HMGA2: variants seen among roughly 807,000 people sequenced by gnomAD.
HMGA2 encodes high mobility group AT-hook 2.
Under a neutral mutation model 19.1 loss-of-function variants are expected in HMGA2, and 8 were observed. The ratio of observed to expected loss-of-function variants is 0.42; its 90% confidence interval spans 0.25 to 0.76. The LOEUF (loss-of-function observed/expected upper bound fraction) is 0.76. Ranked by LOEUF, HMGA2 falls within the 30% of genes least tolerant of loss-of-function variation. HMGA2 has a pLI of 0.28. For synonymous variants in HMGA2, 60 were observed against 48.8 expected, an observed-to-expected ratio of 1.23 and a Z score of -0.96; for missense variants, 109 against 136.3, an observed-to-expected ratio of 0.80 and a Z score of 1.00.
intron 3 of HMGA2, among the ~76,000 whole-genome samples, chr12:65,928,584 T>G (rs1048637880): frequency 6.6e-6 from 1 of 152,234 alleles, no homozygotes; most frequent in Non-Finnish European, 1.5e-5. Context: ...TAATAAAACT[T>G]CACTTAAAAC....
At chr12:65,949,321 G>A (rs2121308571) in intron 3 of HMGA2, among the ~76,000 whole-genome samples, 1 of 151,570 alleles carries the variant, frequency 6.6e-6, no homozygotes, top group East Asian at 1.9e-4. Context: ...AATTTTTAAT[G>A]TACCAGCAAT....
chr12:65,834,563 C>T (rs1459535973), intron 2 of HMGA2, among the ~76,000 whole-genome samples: 2 of 144,328 alleles, frequency 1.4e-5, no homozygotes, highest in Admixed American at 1.4e-4. Context: ...TCCTTCTTTC[C>T]TTCCCTCCCT....
intron 3 of HMGA2, among the ~76,000 whole-genome samples, chr12:65,906,722 A>G (rs1874606751): frequency 6.6e-6 from 1 of 152,188 alleles, no homozygotes; most frequent in Non-Finnish European, 1.5e-5. Context: ...ATTAGAGAAG[A>G]AGATCATAAA....
At chr12:65,945,148 G>A (rs1024605568) in intron 3 of HMGA2, among the ~76,000 whole-genome samples, 10 of 151,636 alleles carry the variant, frequency 6.6e-5, no homozygotes, top group African/African-American at 2.4e-4. Flanking sequence ...ACGTGAATGA[G>A]TCTCAGAAAT....
chr12:65,849,736 A>ATTTTTTTTTTTTTT lies in HMGA2; in HGVS notation c.249+11178_249+11191dup, dbSNP rs34541445. ...AAACCAAGACAATGGTAGGCTCTGT[A>ATTTTTTTTTTTTTT]TTTTTTTTTTTTTTTTTTTTTTTTG... is the stretch of plus-strand genomic sequence containing the variant. On this transcript the variant is annotated intron_variant, in intron 3 of 4. Coordinates refer to ENST00000403681, the MANE Select transcript of HMGA2 (RefSeq NM_003483.6). 1.6e-3 allele frequency among the ~76,000 whole-genome samples: 136 copies of ATTTTTTTTTTTTTT among 85,120 alleles called. 9 individuals carry two copies. The highest frequency in any genetic ancestry group is 2.1e-3 in the Non-Finnish European group (97 of 46,506). The allele number at this position is 85,120 out of a possible 152,430, so 55.8% of individuals were successfully genotyped here.
At chr12:65,889,068 C>T (rs1298691830) in intron 3 of HMGA2, among the ~76,000 whole-genome samples, 3 of 152,154 alleles carry the variant, frequency 2.0e-5, no homozygotes, top group Non-Finnish European at 2.9e-5. Context: ...TCACCCTACT[C>T]TTACCCACAA....
chr12:65,920,664 C>A (rs553668023), intron 3 of HMGA2, among the ~76,000 whole-genome samples: 1 of 152,286 alleles, frequency 6.6e-6, no homozygotes, highest in South Asian at 2.1e-4. Context: ...TTTGCTTCTT[C>A]CTCATTTTCT....
At chr12:65,909,159 A>T (rs144007198) in intron 3 of HMGA2, among the ~76,000 whole-genome samples, 4 of 152,364 alleles carry the variant, frequency 2.6e-5, no homozygotes, top group Non-Finnish European at 4.4e-5. Context: ...CAGAAAGTAC[A>T]TCTAAATCTC....
chr12:65,948,804 A>G (rs1363563501), intron 3 of HMGA2, among the ~76,000 whole-genome samples: 4 of 152,194 alleles, frequency 2.6e-5, no homozygotes, highest in African/African-American at 9.7e-5. Flanking sequence ...CCCTCATTGA[A>G]GTGTCAGGAC....
intron 3 of HMGA2, among the ~76,000 whole-genome samples, chr12:65,841,966 T>C (rs769512697): frequency 2.6e-5 from 4 of 152,148 alleles, no homozygotes; most frequent in Non-Finnish European, 5.9e-5. Context: ...AGAACACTTC[T>C]ATTGTTTACT....
chr12:65,913,563 A>G (rs927351921), intron 3 of HMGA2, among the ~76,000 whole-genome samples: 6 of 152,212 alleles, frequency 3.9e-5, no homozygotes, highest in Admixed American at 2.0e-4. Flanking sequence ...TTTATCAAGC[A>G]TGAGTTATAG....
At chr12:65,866,252 C>T (rs566184805) in intron 3 of HMGA2, among the ~76,000 whole-genome samples, 109 of 152,200 alleles carry the variant, frequency 7.2e-4, no homozygotes, top group African/African-American at 2.5e-3. Context: ...TCTTGTGGCT[C>T]TTACATTCTA....
At chr12:65,845,362 G>C (rs1220531070) in intron 3 of HMGA2, among the ~76,000 whole-genome samples, 1 of 151,992 alleles carries the variant, frequency 6.6e-6, no homozygotes, top group Non-Finnish European at 1.5e-5. Flanking sequence ...TCTGCCTCCC[G>C]GGTTCAAGTG....
chr12:65,824,713 T>TTTC lies in HMGA2; in HGVS notation c.-557_-556insTCT, dbSNP rs1870023817. ...CCAAGGCACTTTCAATCTCAATCTC[T>TTTC]TCTCTCTCTCTCTCTCTCTCTCTCT... is the stretch of plus-strand genomic sequence containing the variant. On this transcript the variant is annotated 5_prime_UTR_variant, in exon 1 of 5. Transcript: ENST00000403681. The TTTC allele has an allele frequency of 1.4e-5, 2 of 145,148 alleles. No homozygotes were observed. Among genetic ancestry groups the TTTC allele is most frequent in the East Asian group, 1.6e-4 (2 of 12,620 alleles). 9.0% of individuals were successfully genotyped at this position (145,148 alleles called of 1,614,324 possible).
chr12:65,876,002 G>A (rs1285096953), intron 3 of HMGA2, among the ~76,000 whole-genome samples: 2 of 152,044 alleles, frequency 1.3e-5, no homozygotes, highest in African/African-American at 4.8e-5. Flanking sequence ...CAACTAGACT[G>A]AACTTGGTCA....
intron 3 of HMGA2, among the ~76,000 whole-genome samples, chr12:65,898,199 A>G (rs759352087): frequency 1.3e-4 from 20 of 152,166 alleles, no homozygotes; most frequent in Non-Finnish European, 2.6e-4. Flanking sequence ...TCCCTACCTC[A>G]ATACATTTTA....
Position 65,894,133 on chromosome 12 carries a change from A to T in HMGA2, c.249+55564A>T, listed in dbSNP as rs567659259. ...GTTGTATGCCTCTGGTGTTTGTATGATATTCACTGCATTTTTTTCTAACGT... is the reference window on the plus strand; with the variant it reads ...GTTGTATGCCTCTGGTGTTTGTATGTTATTCACTGCATTTTTTTCTAACGT... On this transcript the variant is annotated intron_variant, in intron 3 of 4. Transcript: ENST00000403681. Among the ~76,000 whole-genome samples the T allele has an allele frequency of 2.6e-5, 4 of 152,200 alleles. No individual in the cohort carries two copies. The South Asian group carries it at 8.3e-4, about 32-fold the overall frequency.
intron 3 of HMGA2, among the ~76,000 whole-genome samples, chr12:65,920,420 G>T (rs926440096): frequency 8.5e-5 from 13 of 152,300 alleles, no homozygotes; most frequent in Middle Eastern, 3.4e-3. Context: ...CAAGGAACAT[G>T]TAGATTTGTT....
rs374980605 is a variant in HMGA2 at position 65,965,675 on chromosome 12, C to T, written c.*2383C>T. On this transcript the variant is annotated 3_prime_UTR_variant, in exon 5 of 5. Transcript: ENST00000403681. ...GTCGCATTCCATATCTTTGGATGGG[C>T]CTTTTAGAAACCTCATTGGCCAGCT... 5 of 222,412 alleles carry T rather than the reference C, an allele frequency of 2.2e-5. No homozygotes were observed. The highest frequency in any genetic ancestry group is 1.3e-4 in the East Asian group (2 of 15,330). The allele number at this position is 222,412 out of a possible 1,614,324, so 13.8% of individuals were successfully genotyped here. A position where few individuals can be genotyped will look rare whatever the true frequency, so the allele number is the denominator to read the frequency against.
Sources: gnomAD v4.1 joint callset for allele counts (sites outside exome capture counted in the v4.1 genomes callset) on GRCh38, gnomAD v4.1.1 for gene constraint, MANE v1.5 for transcripts, NCBI Gene and HGNC (gene_info 2026-07-23, HGNC 2026-07-21) for gene names.